The following CDH4 variants were observed in gnomAD, a reference collection of about 807,000 sequenced individuals.
CDH4 encodes cadherin 4, also known as cadherin-4.
A neutral mutation model predicts 86.0 loss-of-function variants in CDH4; 33 were observed. The observed-to-expected ratio is 0.38, with a 90% CI of 0.29 to 0.51. CDH4 has a LOEUF of 0.51. Ranked by LOEUF, CDH4 falls within the 20% of genes least tolerant of loss-of-function variation. The pLI is 0.86. For synonymous variants in CDH4, 555 were observed against 549.4 expected, an observed-to-expected ratio of 1.01 and a Z score of -0.14; for missense variants, 1,114 against 1,307.4, an observed-to-expected ratio of 0.85 and a Z score of 2.28.
chr20:61,899,462 C>G (rs748629228), intron 8 of CDH4, among the ~76,000 whole-genome samples: 13 of 152,174 alleles, frequency 8.5e-5, no homozygotes, highest in Admixed American at 6.5e-4. Context: ...GAGTCTCGCT[C>G]TGTCGCCCAG....
intron 4 of CDH4, among the ~76,000 whole-genome samples, chr20:61,776,487 G>A (rs1268303360): frequency 2.0e-5 from 3 of 152,352 alleles, no homozygotes; most frequent in East Asian, 3.9e-4. Context: ...TCTGGGGTCT[G>A]TGGCTTTGCT....
chr20:61,603,584 C>T lies in CDH4; in HGVS notation c.170-139979C>T, dbSNP rs564189500. Reference sequence around the variant, plus strand: ...GCACAGGGAGCAGAAGGGCCCATCCCGGGCCCTCACCTGCTAGGTCCCATT... The same window carrying T: ...GCACAGGGAGCAGAAGGGCCCATCCTGGGCCCTCACCTGCTAGGTCCCATT... On this transcript the variant is annotated intron_variant, in intron 2 of 15. Coordinates refer to ENST00000614565, the MANE Select transcript of CDH4 (RefSeq NM_001794.5). Among the ~76,000 whole-genome samples, 76 of 152,298 alleles carry T rather than the reference C, an allele frequency of 5.0e-4. 1 individual carries two copies. In the Middle Eastern group the frequency reaches 0.014, roughly 27 times the overall value.
intron 2 of CDH4, among the ~76,000 whole-genome samples, chr20:61,296,734 G>A (rs2427046): frequency 0.79 from 120,455 of 152,012 alleles, 48,939 homozygotes; most frequent in Non-Finnish European, 0.88. Flanking sequence ...AGACCCAGGC[G>A]TCTGGGGTGA....
rs138239910 is a variant in CDH4 at position 61,318,653 on chromosome 20, T to G, written c.169+63716T>G. ...TGGAATCAGTGATACTCAGTCAGAA[T>G]ACATGCTCAATGCATAGCCACTGAT... is the stretch of plus-strand genomic sequence containing the variant. On this transcript the variant is annotated intron_variant, in intron 2 of 15. Transcript: ENST00000614565. Among the ~76,000 whole-genome samples the G allele has an allele frequency of 1.2e-3, 176 of 152,342 alleles. 1 individual carries two copies. Among genetic ancestry groups the G allele is most frequent in the African/African-American group, 4.0e-3 (167 of 41,580 alleles).
At chr20:61,331,839 G>T (rs2084582495) in intron 2 of CDH4, among the ~76,000 whole-genome samples, 1 of 152,122 alleles carries the variant, frequency 6.6e-6, no homozygotes, top group African/African-American at 2.4e-5. Context: ...TCTTCCCCTG[G>T]ACCGCAAGCC....
At chr20:61,692,261 CTG>C (rs1568759203) in intron 2 of CDH4, among the ~76,000 whole-genome samples, 6 of 148,588 alleles carry the variant, frequency 4.0e-5, no homozygotes, top group Admixed American at 1.3e-4. Context: ...ATGTGTGTGT[CTG>C]TATGTGTGTC....
rs545364324 is a variant in CDH4 at position 61,933,968 on chromosome 20, G to A, written c.2380-88G>A. ...GCCACAGGGCAGCAGGTGCATCTGT[G>A]GCCCAGGTGACAGAAAAGGATGCAG... On this transcript the variant is annotated intron_variant, in intron 14 of 15. Transcript: ENST00000614565. 5.7e-5 allele frequency: 84 copies of A among 1,466,226 alleles called. 2 individuals are homozygous for A. The South Asian group carries it at 1.0e-3, about 18-fold the overall frequency. 90.8% of individuals were successfully genotyped at this position (1,466,226 alleles called of 1,614,324 possible).
chr20:61,384,773 T>C (rs979447106), intron 2 of CDH4, among the ~76,000 whole-genome samples: 1 of 140,816 alleles, frequency 7.1e-6, no homozygotes, highest in African/African-American at 2.8e-5. Flanking sequence ...TTTCAGCTTC[T>C]TTTTTTATAC....
At chr20:61,790,590 T>TCATC (rs1979128617) in intron 4 of CDH4, among the ~76,000 whole-genome samples, 2 of 145,296 alleles carry the variant, frequency 1.4e-5, no homozygotes, top group East Asian at 4.3e-4. Context: ...AACCATTCAT[T>TCATC]CATCCATCCA....
intron 2 of CDH4, among the ~76,000 whole-genome samples, chr20:61,453,492 AC>A (rs2085391223): frequency 6.6e-6 from 1 of 151,854 alleles, no homozygotes; most frequent in Non-Finnish European, 1.5e-5. Flanking sequence ...TGCTATTACC[AC>A]CCACTTCTTA....
chr20:61,743,542 T>C (rs1367902866), intron 2 of CDH4, 21 bp from the exon 3 acceptor site: 3 of 1,547,358 alleles, frequency 1.9e-6, no homozygotes, highest in Non-Finnish European at 2.6e-6. Context: ...CGACCCTGAC[T>C]CTCTCCCCCT....
Position 61,684,608 on chromosome 20 carries a change from C to G in CDH4, c.170-58955C>G, listed in dbSNP as rs2087554116. 6.6e-6 allele frequency among the ~76,000 whole-genome samples: 1 copy of G among 152,194 alleles called. No homozygotes were observed. Among genetic ancestry groups the G allele is most frequent in the African/African-American group, 2.4e-5 (1 of 41,450 alleles). ...GGGGGCTGAAAGGCTCCTGGGGGTT[C>G]AGTCTCTAACCTGCTCTTTAAAATT... On this transcript the variant is annotated intron_variant, in intron 2 of 15. Coordinates refer to ENST00000614565, the MANE Select transcript of CDH4 (RefSeq NM_001794.5). This position sits in a 1 kb window ranked among gnomAD's most constrained non-coding sequence, Gnocchi z 4.5.
intron 2 of CDH4, among the ~76,000 whole-genome samples, chr20:61,490,698 C>CA (rs61286754): frequency 0.011 from 1,580 of 146,016 alleles, 30 homozygotes; most frequent in African/African-American, 0.038. Context: ...GACTCCATCT[C>CA]AAAAAAAAAA....
intron 9 of CDH4, among the ~76,000 whole-genome samples, chr20:61,911,941 A>G (rs2054855764): frequency 2.6e-5 from 4 of 152,336 alleles, no homozygotes; most frequent in Admixed American, 1.3e-4. Context: ...CGAGAGTTGT[A>G]TTCTCTCACG....
At chr20:61,460,685 C>A (rs561673403) in intron 2 of CDH4, among the ~76,000 whole-genome samples, 3 of 152,266 alleles carry the variant, frequency 2.0e-5, no homozygotes, top group African/African-American at 7.2e-5. Flanking sequence ...TCCTAGGAAC[C>A]CTTGAGGGGC....
chr20:61,718,968 G>GC (rs1200280881), intron 2 of CDH4: 10 of 471,064 alleles, frequency 2.1e-5, no homozygotes, highest in Non-Finnish European at 3.5e-5. Flanking sequence ...TCCTCGCCCT[G>GC]CCCCCTGCCC....
intron 2 of CDH4, among the ~76,000 whole-genome samples, chr20:61,346,741 CAAA>C (rs11477481): frequency 3.7e-5 from 5 of 135,426 alleles, no homozygotes; most frequent in Non-Finnish European, 4.8e-5. Context: ...GAGACTCTGT[CAAA>C]AAAAAAAAAA....
At chr20:61,678,760 G>A (rs577001787) in intron 2 of CDH4, among the ~76,000 whole-genome samples, 1 of 152,192 alleles carries the variant, frequency 6.6e-6, no homozygotes, top group African/African-American at 2.4e-5. Flanking sequence ...AGTGGCTTGA[G>A]GAAGCCTCAC....
chr20:61,694,924 G>A (rs2087700893), intron 2 of CDH4, among the ~76,000 whole-genome samples: 1 of 152,218 alleles, frequency 6.6e-6, no homozygotes, highest in African/African-American at 2.4e-5. Context: ...CCGGAGAGCT[G>A]GAATGAGGCC....
Sources: gnomAD v4.1 joint callset for allele counts (sites outside exome capture counted in the v4.1 genomes callset) on GRCh38, gnomAD v4.1.1 for gene constraint, Gnocchi (gnomAD v3.1) non-coding constraint, MANE v1.5 for transcripts, NCBI Gene and HGNC (gene_info 2026-07-23, HGNC 2026-07-21) for gene names.